Variants in XYLT1 observed in about 807,000 individuals in gnomAD.
The protein encoded by XYLT1 is beta-D-xylosyltransferase 1.
A neutral mutation model predicts 91.3 loss-of-function variants in XYLT1; 36 were observed. The ratio of observed to expected loss-of-function variants is 0.39; its 90% CI spans 0.30 to 0.52. XYLT1 has a LOEUF of 0.52. Among genes scored for constraint, XYLT1 ranks in the 20% least tolerant of loss-of-function variants. The pLI, the probability that XYLT1 is intolerant of heterozygous loss-of-function variation, is 0.68. For synonymous variants in XYLT1, 588 were observed against 532.0 expected (o/e 1.11, Z -1.45); for missense variants, 1,242 against 1,284.5 (o/e 0.97, Z 0.51).
intron 5 of XYLT1, among the ~76,000 whole-genome samples, chr16:17,184,185 C>CTTTTTTTTT (rs71390593): frequency 9.3e-6 from 1 of 107,490 alleles, no homozygotes; most frequent in African/African-American, 3.7e-5. Flanking sequence ...TAAAAGACGG[C>CTTTTTTTTT]TTTTTTTTTT....
chr16:17,135,284 G>A (rs1486334223), intron 8 of XYLT1, among the ~76,000 whole-genome samples: 1 of 152,140 alleles, frequency 6.6e-6, no homozygotes, highest in Middle Eastern at 3.2e-3. Flanking sequence ...TCTGCTCACT[G>A]CAGTCTCCAC....
chr16:17,468,056 C>T (rs1029451471), intron 1 of XYLT1, among the ~76,000 whole-genome samples: 15 of 152,150 alleles, frequency 9.9e-5, no homozygotes, highest in African/African-American at 2.4e-4. Context: ...CTATTGCTTG[C>T]GAAAAGGTCT....
intron 1 of XYLT1, among the ~76,000 whole-genome samples, chr16:17,459,276 G>A (rs2036784437): frequency 1.3e-5 from 2 of 152,198 alleles, no homozygotes; most frequent in African/African-American, 4.8e-5. Context: ...GGGGGCTGAG[G>A]TGGGAGGACT....
At chr16:17,252,496 A>C (rs1435977286) in intron 3 of XYLT1, among the ~76,000 whole-genome samples, 1 of 151,812 alleles carries the variant, frequency 6.6e-6, no homozygotes, top group East Asian at 1.9e-4. Flanking sequence ...CCTTCCCCAC[A>C]CCTCACTGCA....
intron 1 of XYLT1, among the ~76,000 whole-genome samples, chr16:17,408,984 A>G (rs1362091543): frequency 6.6e-6 from 1 of 152,210 alleles, no homozygotes; most frequent in African/African-American, 2.4e-5. Context: ...TGAGAACCCA[A>G]ATGAGGCTCT....
chr16:17,337,474 C>A (rs1478110340), intron 2 of XYLT1, among the ~76,000 whole-genome samples: 3 of 152,142 alleles, frequency 2.0e-5, no homozygotes, highest in Non-Finnish European at 2.9e-5. Flanking sequence ...CGTGAGCCAC[C>A]ATGCCCGGCC....
intron 1 of XYLT1, among the ~76,000 whole-genome samples, chr16:17,412,298 G>C (rs1476787457): frequency 1.3e-5 from 2 of 151,464 alleles, no homozygotes; most frequent in South Asian, 4.2e-4. Flanking sequence ...ACTCCTGGGG[G>C]TGCAGAGGTA....
chr16:17,459,068 C>T (rs987699194), intron 1 of XYLT1, among the ~76,000 whole-genome samples: 15 of 151,988 alleles, frequency 9.9e-5, no homozygotes, highest in African/African-American at 1.7e-4. Context: ...ACTAAAAGAA[C>T]GCAGGCAATA....
intron 1 of XYLT1, among the ~76,000 whole-genome samples, chr16:17,440,853 T>TAGAA (rs2036524021): frequency 6.6e-6 from 1 of 152,044 alleles, no homozygotes; most frequent in African/African-American, 2.4e-5. Flanking sequence ...CAGCACTGCA[T>TAGAA]AGAAATCTAA....
chr16:17,315,000 T>A (rs2141824748), intron 2 of XYLT1, among the ~76,000 whole-genome samples: 1 of 152,216 alleles, frequency 6.6e-6, no homozygotes, highest in African/African-American at 2.4e-5. Context: ...GAAAGAGGCA[T>A]GAGGAGCCAC....
In XYLT1 at chr16:17,239,197, A is replaced by C. The variant is rs143353210; in HGVS notation, c.913+19791T>G. Among the ~76,000 whole-genome samples, 703 of 147,466 alleles carry C rather than the reference A, an allele frequency of 4.8e-3. 4 individuals are homozygous for C. Among genetic ancestry groups the C allele is most frequent in the Non-Finnish European group, 7.9e-3 (523 of 66,478 alleles). ...TTCACTTGCAGACTTGGACCCCTGT[A>C]ATTCATCCATCCATCCATCCATTCA... On this transcript the variant is annotated intron_variant, in intron 3 of 11. Coordinates refer to ENST00000261381, the MANE Select transcript of XYLT1 (RefSeq NM_022166.4).
intron 1 of XYLT1, among the ~76,000 whole-genome samples, chr16:17,428,083 C>T (rs1214774214): frequency 6.6e-6 from 1 of 152,094 alleles, no homozygotes; most frequent in African/African-American, 2.4e-5. Flanking sequence ...CTCTGCCTCC[C>T]AGGTTCAAGC....
Position 17,117,877 on chromosome 16 carries a change from G to C in XYLT1, c.2326C>G (p.Pro776Ala), listed in dbSNP as rs1263758791. Reference protein sequence around the residue: ...PVGMQKWGKGPNVTVTVIWVD... With the variant: ...PVGMQKWGKGANVTVTVIWVD... ...CAAATGACGGTCACGGTCACATTAGGTCCCTTCCCCCACTTCTGCATACCC... is the reference window on the plus strand; with the variant it reads ...CAAATGACGGTCACGGTCACATTAGCTCCCTTCCCCCACTTCTGCATACCC... The change falls in exon 11 of 12, where the codon CCT (proline) becomes GCT (alanine). Residue 776 changes from proline to alanine, a missense_variant. Pro to Ala is a conservative substitution (Grantham distance 27). Coordinates refer to ENST00000261381, the MANE Select transcript of XYLT1 (RefSeq NM_022166.4). 6.2e-7 allele frequency: 1 copy of C among 1,614,080 alleles called. No individual in the cohort carries two copies. Among genetic ancestry groups the C allele is most frequent in the Non-Finnish European group, 8.5e-7 (1 of 1,180,022 alleles).
At chr16:17,177,228 C>T (rs1475717205) in intron 5 of XYLT1, among the ~76,000 whole-genome samples, 1 of 152,134 alleles carries the variant, frequency 6.6e-6, no homozygotes, top group Non-Finnish European at 1.5e-5. Context: ...GGCACTCCAG[C>T]CTGCTGCCCA....
chr16:17,258,376 G>A (rs1297559906), intron 3 of XYLT1, among the ~76,000 whole-genome samples: 2 of 149,942 alleles, frequency 1.3e-5, no homozygotes, highest in Non-Finnish European at 3.0e-5. Flanking sequence ...AAATAAGGAA[G>A]GGAATGAGAA....
At chr16:17,366,823 T>C (rs1028186503) in intron 1 of XYLT1, among the ~76,000 whole-genome samples, 2 of 152,134 alleles carry the variant, frequency 1.3e-5, no homozygotes, top group African/African-American at 2.4e-5. Context: ...CATTCATTAG[T>C]GGGTGGTGAA....
At chr16:17,426,078 T>C (rs2141927267) in intron 1 of XYLT1, among the ~76,000 whole-genome samples, 1 of 152,278 alleles carries the variant, frequency 6.6e-6, no homozygotes, top group Non-Finnish European at 1.5e-5. Context: ...ACAGTATCTA[T>C]CTGTTTAACA....
At chr16:17,390,547 A>T (rs1008357223) in intron 1 of XYLT1, among the ~76,000 whole-genome samples, 1 of 152,246 alleles carries the variant, frequency 6.6e-6, no homozygotes, top group African/African-American at 2.4e-5. Context: ...CAGTGAGAAA[A>T]TTATGACAGT....
At chr16:17,244,456 T>C (rs1215288576) in intron 3 of XYLT1, among the ~76,000 whole-genome samples, 1 of 152,194 alleles carries the variant, frequency 6.6e-6, no homozygotes. Context: ...CAAGGTCCTG[T>C]TGGTGACCAA....
Sources: allele counts gnomAD v4.1 joint callset (sites outside exome capture counted in the v4.1 genomes callset), GRCh38; gene constraint gnomAD v4.1.1; transcripts MANE v1.5; gene names NCBI Gene and HGNC (gene_info 2026-07-23, HGNC 2026-07-21).